SOAT1: variants seen among roughly 807,000 people sequenced by gnomAD.
SOAT1 encodes the protein sterol O-acyltransferase 1.
SOAT1 carries 55 observed loss-of-function variants against 69.5 expected under a neutral mutation model. The observed-to-expected ratio is 0.79, with a 90% CI of 0.64 to 0.99. SOAT1 has a LOEUF of 0.99. Among genes scored for constraint, SOAT1 ranks in the 50% least tolerant of loss-of-function variants. The probability of loss-of-function intolerance (pLI) is 0.00; values close to 1 mark genes in which losing one functional copy is unlikely to be tolerated. For missense variants in SOAT1, 580 were observed against 669.3 expected (o/e 0.87, Z 1.47); for synonymous variants, 231 against 224.7 (o/e 1.03, Z -0.25).
intron 1 of SOAT1, among the ~76,000 whole-genome samples, chr1:179,299,223 T>C (rs1046180500): frequency 6.6e-6 from 1 of 152,228 alleles, no homozygotes; most frequent in Non-Finnish European, 1.5e-5. Flanking sequence ...TAGAATCTGA[T>C]AGTCTTTGTT....
At chr1:179,320,005 A>G (rs1392443477) in intron 2 of SOAT1, among the ~76,000 whole-genome samples, 1 of 151,190 alleles carries the variant, frequency 6.6e-6, no homozygotes, top group Admixed American at 6.6e-5. Flanking sequence ...TTTTTTTCCC[A>G]TTCTATGGGT....
chr1:179,353,211 A>ATATATAAATATATATATATT (rs1666797420), intron 15 of SOAT1, among the ~76,000 whole-genome samples: 2 of 64,482 alleles, frequency 3.1e-5, no homozygotes, highest in African/African-American at 1.1e-4. Flanking sequence ...ATATATAAAT[A>ATATATAAATATATATATATT]TATATATATA....
At position 179,342,953 on chromosome 1, in the gene SOAT1, C is replaced by G; in HGVS notation, c.941+10C>G. ...GTGACAGCTATCCCAGGTAATGGTA[C>G]TGTGAACCAGAAATGTGGTAAACAC... On this transcript the variant is annotated intron_variant, in intron 9 of 15. Transcript: ENST00000367619. The G allele has an allele frequency of 6.2e-7, 1 of 1,607,680 alleles. No individual in the cohort carries two copies. The highest frequency in any genetic ancestry group is 8.5e-7 in the Non-Finnish European group (1 of 1,174,318).
chr1:179,299,124 G>A (rs896032315), intron 1 of SOAT1, among the ~76,000 whole-genome samples: 2 of 152,130 alleles, frequency 1.3e-5, no homozygotes, highest in African/African-American at 4.8e-5. Flanking sequence ...CAGTGTAGTG[G>A]GACCGCAGAG....
rs138121013 is a variant in SOAT1 at position 179,344,470 on chromosome 1, G to A, written c.988-477G>A. ...GCTCACTGCAACCTCTACCTCCTGT[G>A]TTCAAACGATTCTCCTGCATCAGCC... On this transcript the variant is annotated intron_variant, in intron 10 of 15. Transcript: ENST00000367619. Among the ~76,000 whole-genome samples, 1,394 of 144,276 alleles carry A rather than the reference G, an allele frequency of 9.7e-3. 12 individuals are homozygous for A. The highest frequency in any genetic ancestry group is 0.02 in the Admixed American group (271 of 13,640). The allele number at this position is 144,276 out of a possible 152,430, so 94.7% of individuals were successfully genotyped here.
rs1477026533 is a variant in SOAT1, at chr1:179,348,860, C to T, written c.1232C>T (p.Thr411Met). 4 of 1,595,480 alleles carry T rather than the reference C, an allele frequency of 2.5e-6. No individual in the cohort carries two copies. The highest frequency in any genetic ancestry group is 1.1e-5 in the South Asian group (1 of 90,722). Reference protein sequence around the residue: ...RMFYKDWWNSTSYSNYYRTWN... With the variant: ...RMFYKDWWNSMSYSNYYRTWN... ...TTCCCTCAGGATTGGTGGAACTCCACGTCATACTCCAACTATTATAGAACC... is the reference window on the plus strand; with the variant it reads ...TTCCCTCAGGATTGGTGGAACTCCATGTCATACTCCAACTATTATAGAACC... Residue 411 changes from threonine to methionine, a missense_variant, in exon 13 of 16, where the codon ACG becomes ATG. Coordinates refer to ENST00000367619, the MANE Select transcript of SOAT1 (RefSeq NM_003101.6).
At chr1:179,300,032 A>G (rs1343205331) in intron 1 of SOAT1, among the ~76,000 whole-genome samples, 1 of 151,032 alleles carries the variant, frequency 6.6e-6, no homozygotes, top group African/African-American at 2.4e-5. Context: ...AAGTGCTGGG[A>G]TTACAGGCAT....
chr1:179,301,251 A>G (rs1266529490), intron 1 of SOAT1, among the ~76,000 whole-genome samples: 1 of 152,200 alleles, frequency 6.6e-6, no homozygotes, highest in African/African-American at 2.4e-5. Context: ...ACATGGCTTT[A>G]GAGTAAACCT....
intron 2 of SOAT1, among the ~76,000 whole-genome samples, chr1:179,310,538 C>T (rs938094108): frequency 5.3e-5 from 8 of 152,052 alleles, no homozygotes; most frequent in African/African-American, 1.4e-4. Flanking sequence ...GAGCAATAGA[C>T]GATTACAGAT....
chr1:179,335,717 A>G lies in SOAT1; in HGVS notation c.329+60A>G. ...CTACTCAGTATAGTTCAATGGTGAA[A>G]ATGGACTGCGGCAAATATGCTTGAG... On this transcript the variant is annotated intron_variant, in intron 4 of 15. Coordinates refer to ENST00000367619, the MANE Select transcript of SOAT1 (RefSeq NM_003101.6). 4 of 1,472,954 alleles carry G rather than the reference A, an allele frequency of 2.7e-6. No homozygotes were observed. The South Asian group carries it at 5.7e-5, about 21-fold the overall frequency. The allele number at this position is 1,472,954 out of a possible 1,614,324, so 91.2% of individuals were successfully genotyped here. A position where few individuals can be genotyped will look rare whatever the true frequency, so the allele number is the denominator to read the frequency against.
rs1025474862 is a variant in SOAT1, at chr1:179,319,105, CTTG to C, written c.119-4326_119-4324del. Reference sequence around the variant, plus strand: ...TTCTTTCTTCACATTCAAGCCAACACTTGTTGTTTGTGTTTTTGATTATAGCCA... The same window carrying C: ...TTCTTTCTTCACATTCAAGCCAACACTTGTTTGTGTTTTTGATTATAGCCA... On this transcript the variant is annotated intron_variant, in intron 2 of 15. Transcript: ENST00000367619. Among the ~76,000 whole-genome samples, 206 of 152,168 alleles carry C rather than the reference CTTG, an allele frequency of 1.4e-3. 1 individual carries two copies. The highest frequency in any genetic ancestry group is 4.8e-3 in the African/African-American group (198 of 41,526).
chr1:179,326,880 A>G (rs556149057), intron 3 of SOAT1, among the ~76,000 whole-genome samples: 7 of 152,142 alleles, frequency 4.6e-5, no homozygotes, highest in South Asian at 4.1e-4. Context: ...TTTCTGAACA[A>G]GATATAGTAG....
At chr1:179,321,356 G>A (rs115910064) in intron 2 of SOAT1, among the ~76,000 whole-genome samples, 5 of 152,098 alleles carry the variant, frequency 3.3e-5, no homozygotes, top group African/African-American at 1.2e-4. Context: ...TTATTGTAGA[G>A]ATAGGGTCTT....
At chr1:179,349,068 T>C in intron 13 of SOAT1, 126 bp downstream of exon 13, 1 of 633,120 alleles carries the variant, frequency 1.6e-6, no homozygotes, top group South Asian at 1.9e-5. Flanking sequence ...TAGTATCTTT[T>C]CAGTTTTCTT....
At chr1:179,320,019 C>G (rs6675772) in intron 2 of SOAT1, among the ~76,000 whole-genome samples, 31,673 of 151,664 alleles carry the variant, frequency 0.21, 4,143 homozygotes, top group East Asian at 0.34. Flanking sequence ...TATGGGTTGT[C>G]GTTTTACTTT....
At chr1:179,334,790 C>T (rs112705684) in intron 3 of SOAT1, among the ~76,000 whole-genome samples, 4 of 151,416 alleles carry the variant, frequency 2.6e-5, no homozygotes, top group South Asian at 2.1e-4. Context: ...CTGAGGTGGG[C>T]GGATCACCTG....
At chr1:179,320,296 T>C (rs1435535182) in intron 2 of SOAT1, among the ~76,000 whole-genome samples, 2 of 152,160 alleles carry the variant, frequency 1.3e-5, no homozygotes, top group African/African-American at 4.8e-5. Context: ...GAAGAATCTT[T>C]CCGCATTTTT....
intron 2 of SOAT1, among the ~76,000 whole-genome samples, chr1:179,319,770 C>T (rs923653827): frequency 2.6e-5 from 4 of 152,092 alleles, no homozygotes; most frequent in East Asian, 3.9e-4. Flanking sequence ...GTGCGCATCC[C>T]ACGCCCAGCT....
At chr1:179,344,851 T>A in intron 10 of SOAT1, 96 bp from the exon 11 acceptor site, 1 of 1,143,182 alleles carries the variant, frequency 8.7e-7, no homozygotes. Flanking sequence ...AACATTACTG[T>A]AAGGGTCACA....
Sources: allele counts gnomAD v4.1 joint callset (sites outside exome capture counted in the v4.1 genomes callset), GRCh38; gene constraint gnomAD v4.1.1; transcripts MANE v1.5; gene names NCBI Gene and HGNC (gene_info 2026-07-23, HGNC 2026-07-21).